The following DPYD variants were observed in gnomAD, a reference collection of about 807,000 sequenced individuals.
DPYD encodes dihydropyrimidine dehydrogenase.
DPYD carries 109 observed loss-of-function variants against 116.2 expected under a neutral mutation model. The observed-to-expected ratio is 0.94, with a 90% confidence interval of 0.80 to 1.10. The LOEUF is 1.10. Ranked by LOEUF, DPYD falls within the 50% of genes least tolerant of loss-of-function variation. The probability of loss-of-function intolerance (pLI) is 0.00; values close to 1 mark genes in which losing one functional copy is unlikely to be tolerated. For missense variants in DPYD, 1,302 were observed against 1,254.5 expected, an observed-to-expected ratio of 1.04 and a Z score of -0.57; for synonymous variants, 440 against 432.0, an observed-to-expected ratio of 1.02 and a Z score of -0.23.
At chr1:97,416,066 A>C (rs554825461) in intron 14 of DPYD, among the ~76,000 whole-genome samples, 8 of 152,340 alleles carry the variant, frequency 5.3e-5, no homozygotes, top group Admixed American at 2.6e-4. Flanking sequence ...CTAGCAAGAG[A>C]AATCCAATAA....
chr1:97,281,013 T>A (rs1170911813), intron 18 of DPYD, among the ~76,000 whole-genome samples: 1 of 152,136 alleles, frequency 6.6e-6, no homozygotes, highest in Admixed American at 6.5e-5. Flanking sequence ...AATACAATTA[T>A]TGTTCGATTA....
chr1:97,497,292 C>G (rs929738384), intron 13 of DPYD, among the ~76,000 whole-genome samples: 3 of 151,826 alleles, frequency 2.0e-5, no homozygotes, highest in Non-Finnish European at 4.4e-5. Context: ...TAAGAGACTA[C>G]TCATTGAATA....
chr1:97,164,210 T>C (rs995991109), intron 20 of DPYD, among the ~76,000 whole-genome samples: 1 of 152,204 alleles, frequency 6.6e-6, no homozygotes, highest in African/African-American at 2.4e-5. Flanking sequence ...GAAAAGGTCT[T>C]TGATAAAATT....
chr1:97,523,020 G>A (rs544087761), intron 12 of DPYD, among the ~76,000 whole-genome samples: 2 of 152,028 alleles, frequency 1.3e-5, no homozygotes, highest in African/African-American at 2.4e-5. Context: ...ATGAGAACTC[G>A]AATTTTTGCC....
chr1:97,546,712 G>A, intron 12 of DPYD: 1 of 1,613,162 alleles, frequency 6.2e-7, no homozygotes, highest in South Asian at 1.1e-5. Context: ...AGATACAGAG[G>A]AAGTAGAGCT....
At chr1:97,494,569 C>A (rs970773966) in intron 13 of DPYD, among the ~76,000 whole-genome samples, 17 of 151,930 alleles carry the variant, frequency 1.1e-4, no homozygotes, top group Admixed American at 5.3e-4. Context: ...ATGGCAAGAC[C>A]CCAAATCTAT....
chr1:97,890,855 G>C (rs1672738986), intron 1 of DPYD, among the ~76,000 whole-genome samples: 1 of 151,898 alleles, frequency 6.6e-6, no homozygotes, highest in South Asian at 2.1e-4. Flanking sequence ...TAACTTTTGA[G>C]AATAAACATT....
intron 2 of DPYD, among the ~76,000 whole-genome samples, chr1:97,840,955 G>GT (rs1670008202): frequency 6.6e-6 from 1 of 152,082 alleles, no homozygotes; most frequent in African/African-American, 2.4e-5. Flanking sequence ...AAGTGTAGGT[G>GT]TAAGAATTTT....
At chr1:97,600,012 T>A (rs1655152391) in intron 8 of DPYD, among the ~76,000 whole-genome samples, 1 of 150,544 alleles carries the variant, frequency 6.6e-6, no homozygotes, top group African/African-American at 2.4e-5. Context: ...ACCACTGCAC[T>A]CCAGGCTGGG....
chr1:97,720,189 AAC>A, intron 5 of DPYD: 1 of 965,664 alleles, frequency 1.0e-6, no homozygotes. Flanking sequence ...CACACACACA[AAC>A]ACACACACCT....
chr1:97,443,731 C>T (rs1271862871), intron 14 of DPYD, among the ~76,000 whole-genome samples: 1 of 152,222 alleles, frequency 6.6e-6, no homozygotes, highest in African/African-American at 2.4e-5. Flanking sequence ...GATATAGTTT[C>T]ACCTGTTACA....
At chr1:97,816,141 T>G (rs1668593814) in intron 3 of DPYD, among the ~76,000 whole-genome samples, 1 of 152,002 alleles carries the variant, frequency 6.6e-6, no homozygotes. Context: ...GTGTGGACAC[T>G]GTACACTATA....
At chr1:97,689,522 G>A (rs1660901492) in intron 7 of DPYD, among the ~76,000 whole-genome samples, 1 of 151,950 alleles carries the variant, frequency 6.6e-6, no homozygotes, top group Non-Finnish European at 1.5e-5. Flanking sequence ...ATAATGCTAG[G>A]TCATGAAAGT....
intron 18 of DPYD, among the ~76,000 whole-genome samples, chr1:97,303,909 G>A (rs1667009102): frequency 6.6e-6 from 1 of 151,920 alleles, no homozygotes; most frequent in South Asian, 2.1e-4. Context: ...TTGTTTTCAG[G>A]TACTGCTATA....
At chr1:97,881,178 G>T (rs1275441380) in intron 2 of DPYD, among the ~76,000 whole-genome samples, 2 of 151,952 alleles carry the variant, frequency 1.3e-5, no homozygotes, top group African/African-American at 4.8e-5. Context: ...GCTATATTTG[G>T]AGAGAGAGTC....
At chr1:97,168,248 T>C (rs1178532769) in intron 20 of DPYD, among the ~76,000 whole-genome samples, 1 of 152,206 alleles carries the variant, frequency 6.6e-6, no homozygotes, top group Non-Finnish European at 1.5e-5. Flanking sequence ...CAGGCTATCA[T>C]ACTCAGCTGT....
chr1:97,173,247 T>TACACATATGTAC, intron 20 of DPYD, among the ~76,000 whole-genome samples: 1 of 123,842 alleles, frequency 8.1e-6, no homozygotes, highest in Non-Finnish European at 1.7e-5. Context: ...CACATATATG[T>TACACATATGTAC]ACATATATGC....
At chr1:97,507,209 A>C (rs986815397) in intron 13 of DPYD, among the ~76,000 whole-genome samples, 1 of 152,034 alleles carries the variant, frequency 6.6e-6, no homozygotes, top group South Asian at 2.1e-4. Context: ...AATACGTCTA[A>C]GTTATAAGAA....
intron 10 of DPYD, among the ~76,000 whole-genome samples, chr1:97,580,839 T>G (rs1046834751): frequency 6.6e-6 from 1 of 152,176 alleles, no homozygotes; most frequent in African/African-American, 2.4e-5. Context: ...AAGCCTTACC[T>G]TGATGTTTCC....
Sources: gnomAD v4.1 joint callset for allele counts (sites outside exome capture counted in the v4.1 genomes callset) on GRCh38, gnomAD v4.1.1 for gene constraint, MANE v1.5 for transcripts, NCBI Gene and HGNC (gene_info 2026-07-23, HGNC 2026-07-21) for gene names.